SUCLG2: variants seen among roughly 807,000 people sequenced by gnomAD.
SUCLG2 encodes succinate--CoA ligase [GDP-forming] subunit beta, mitochondrial.
In SUCLG2, 42 loss-of-function variants were observed where a neutral mutation model predicts 47.9. That is an observed-to-expected ratio of 0.88 (90% CI 0.69 to 1.14). The LOEUF is 1.14. Among genes scored for constraint, SUCLG2 ranks in the 50% most tolerant of loss-of-function variants. SUCLG2 has a pLI of 0.00. For synonymous variants in SUCLG2, 195 were observed against 197.3 expected (o/e 0.99, Z 0.10); for missense variants, 571 against 525.9 (o/e 1.09, Z -0.84).
Position 67,375,838 on chromosome 3 carries a change from T to G in SUCLG2, c.1205A>C (p.Gln402Pro), listed in dbSNP as rs756667043. The G allele has an allele frequency of 9.9e-6, 16 of 1,613,678 alleles. No individual in the cohort carries two copies. The South Asian group carries it at 1.6e-4, about 17-fold the overall frequency. ...RLEGTNVQEAQKILNNSGLPI... is the reference protein window; with the variant it reads ...RLEGTNVQEAPKILNNSGLPI... ...GAGTCCGCTGTTGTTGAGTATCTTC[T>G]GGGCCTCTTGGACGTTGGTTCCTAG... The change falls in exon 11 of 11, where the codon CAG becomes CCG. Residue 402 changes from glutamine (Q) to proline (P), a missense_variant. Coordinates refer to ENST00000307227, the MANE Select transcript of SUCLG2 (RefSeq NM_003848.4).
intron 1 of SUCLG2, among the ~76,000 whole-genome samples, chr3:67,635,825 T>G (rs543495479): frequency 6.6e-6 from 1 of 152,204 alleles, no homozygotes; most frequent in African/African-American, 2.4e-5. Flanking sequence ...GCAGGCCTTT[T>G]GTTTCCCATT....
At chr3:67,639,447 G>A (rs1336957611) in intron 1 of SUCLG2, among the ~76,000 whole-genome samples, 4 of 142,396 alleles carry the variant, frequency 2.8e-5, no homozygotes, top group African/African-American at 1.2e-4. Context: ...GAGCCTTGCA[G>A]CAGATGCTCT....
intron 10 of SUCLG2, among the ~76,000 whole-genome samples, chr3:67,388,334 T>C (rs1015642104): frequency 2.6e-5 from 4 of 152,212 alleles, no homozygotes; most frequent in Non-Finnish European, 5.9e-5. Flanking sequence ...TTTGGACATT[T>C]CTGGAGTCCT....
intron 9 of SUCLG2, among the ~76,000 whole-genome samples, chr3:67,491,412 T>C (rs1705204321): frequency 6.8e-6 from 1 of 146,008 alleles, no homozygotes; most frequent in Non-Finnish European, 1.5e-5. Flanking sequence ...TCTCCCAGGC[T>C]GGAGTGCAAT....
chr3:67,650,377 G>C (rs1391238254), intron 1 of SUCLG2, among the ~76,000 whole-genome samples: 1 of 152,212 alleles, frequency 6.6e-6, no homozygotes. Context: ...ATGGGTTTAA[G>C]CAGTTTCTTT....
intron 6 of SUCLG2, chr3:67,514,381 A>G (rs757626471): frequency 9.2e-6 from 3 of 325,816 alleles, no homozygotes; most frequent in Non-Finnish European, 1.9e-5. Flanking sequence ...TTAATCAAAC[A>G]AAAATCTCAA....
intron 1 of SUCLG2, among the ~76,000 whole-genome samples, chr3:67,638,666 C>G (rs997360322): frequency 6.6e-6 from 1 of 152,176 alleles, no homozygotes; most frequent in African/African-American, 2.4e-5. Context: ...TTATAGCAAG[C>G]AGACAGATTT....
At chr3:67,403,550 A>G (rs1702736998) in intron 9 of SUCLG2, among the ~76,000 whole-genome samples, 1 of 152,182 alleles carries the variant, frequency 6.6e-6, no homozygotes, top group East Asian at 1.9e-4. Context: ...TTCAAAGACT[A>G]GTTTGAGAGC....
chr3:67,626,782 C>T (rs762432433), intron 1 of SUCLG2, among the ~76,000 whole-genome samples: 9 of 151,772 alleles, frequency 5.9e-5, no homozygotes, highest in Non-Finnish European at 1.0e-4. Flanking sequence ...GGCGTGGTGG[C>T]GGGCACCTGT....
intron 7 of SUCLG2, among the ~76,000 whole-genome samples, chr3:67,505,489 G>A (rs1559551038): frequency 6.6e-6 from 1 of 152,156 alleles, no homozygotes; most frequent in Non-Finnish European, 1.5e-5. Context: ...CTCTTGGACT[G>A]CAGTTCTTTC....
rs147526420 is a variant in SUCLG2, at chr3:67,632,213, C to T, written c.84+22290G>A. On this transcript the variant is annotated intron_variant, in intron 1 of 10. Coordinates refer to ENST00000307227, the MANE Select transcript of SUCLG2 (RefSeq NM_003848.4). Reference sequence around the variant, plus strand: ...GTTCATTTTTTTTTAGACACAGTTTCACTCTGTCGCCTAGACTGGAGTGCA... The same window carrying T: ...GTTCATTTTTTTTTAGACACAGTTTTACTCTGTCGCCTAGACTGGAGTGCA... Among the ~76,000 whole-genome samples, 807 of 152,196 alleles carry T rather than the reference C, an allele frequency of 5.3e-3. 5 individuals carry two copies. The highest frequency in any genetic ancestry group is 0.018 in the African/African-American group (727 of 41,512).
chr3:67,543,636 G>C (rs116241536), intron 2 of SUCLG2, among the ~76,000 whole-genome samples: 3,357 of 152,272 alleles, frequency 0.022, 119 homozygotes, highest in African/African-American at 0.076. Context: ...CTGCACTCTA[G>C]TGTGGGCAAA....
intron 2 of SUCLG2, among the ~76,000 whole-genome samples, chr3:67,588,926 T>A (rs1708089951): frequency 6.6e-6 from 1 of 152,196 alleles, no homozygotes; most frequent in South Asian, 2.1e-4. Flanking sequence ...ATCCCTTGTT[T>A]AAAATATCCA....
At chr3:67,602,774 G>C (rs1373342226) in intron 2 of SUCLG2, among the ~76,000 whole-genome samples, 1 of 152,118 alleles carries the variant, frequency 6.6e-6, no homozygotes, top group East Asian at 1.9e-4. Context: ...ATTTATTCGT[G>C]AGCACCTACT....
chr3:67,636,239 T>C (rs1404016744), intron 1 of SUCLG2, among the ~76,000 whole-genome samples: 1 of 152,040 alleles, frequency 6.6e-6, no homozygotes, highest in Non-Finnish European at 1.5e-5. Context: ...GAACAAACTA[T>C]GCAGACAGCC....
chr3:67,601,039 C>G (rs1474030162), intron 2 of SUCLG2, among the ~76,000 whole-genome samples: 4 of 152,010 alleles, frequency 2.6e-5, no homozygotes, highest in African/African-American at 7.2e-5. Context: ...CACAGTCAAT[C>G]TAGAGATTAT....
chr3:67,380,021 C>T (rs2106765465), intron 10 of SUCLG2, among the ~76,000 whole-genome samples: 1 of 152,292 alleles, frequency 6.6e-6, no homozygotes, highest in African/African-American at 2.4e-5. Context: ...GGGGTAACTC[C>T]AGATGGATTC....
Position 67,440,967 on chromosome 3 carries a change from T to A in SUCLG2, c.1063-40116A>T, listed in dbSNP as rs1703748152. ...AGCACTGTTTACAATAGCAAAGACT[T>A]GGAACCAATCCAAATGCCCATCAAT... On this transcript the variant is annotated intron_variant, in intron 9 of 10. Transcript: ENST00000307227. Among the ~76,000 whole-genome samples the A allele has an allele frequency of 2.0e-5, 3 of 152,186 alleles. No homozygotes were observed. The South Asian group carries it at 6.2e-4, about 32-fold the overall frequency.
intron 9 of SUCLG2, among the ~76,000 whole-genome samples, chr3:67,485,600 T>A (rs1575728295): frequency 1.3e-5 from 2 of 152,086 alleles, no homozygotes. Context: ...TGGAAGAAAA[T>A]TTTTTAAAAT....
Sources: allele counts gnomAD v4.1 joint callset (sites outside exome capture counted in the v4.1 genomes callset), GRCh38; gene constraint gnomAD v4.1.1; transcripts MANE v1.5; gene names NCBI Gene and HGNC (gene_info 2026-07-23, HGNC 2026-07-21).